The following MYBPC1 variants were observed in gnomAD, a reference collection of about 807,000 sequenced individuals.
The protein encoded by MYBPC1 is myosin binding protein C1.
A neutral mutation model predicts 147.1 loss-of-function variants in MYBPC1; 52 were observed. The observed-to-expected ratio is 0.35, with a 90% CI of 0.28 to 0.45. The LOEUF is 0.45. Ranked by LOEUF, MYBPC1 falls within the 20% of genes least tolerant of loss-of-function variation. The pLI, the probability that MYBPC1 is intolerant of heterozygous loss-of-function variation, is 1.00. For missense variants in MYBPC1, 1,228 were observed against 1,440.3 expected (o/e 0.85, Z 2.39); for synonymous variants, 477 against 475.9 (o/e 1.00, Z -0.03).
intron 22 of MYBPC1, 76 bp downstream of exon 22, chr12:101,663,636 CTT>C (rs1288686593): frequency 6.6e-7 from 1 of 1,509,876 alleles, no homozygotes; most frequent in African/African-American, 1.4e-5. Context: ...TTTTGTCTCT[CTT>C]TCTTGAGAAC....
At position 101,634,539 on chromosome 12, in the gene MYBPC1, T is replaced by C. The variant is rs1046652621; in HGVS notation, c.557-15T>C. On this transcript the variant is annotated splice_polypyrimidine_tract_variant and intron_variant, in intron 8 of 31. Transcript: ENST00000361466. ...TTAATGGGTATTTATGTTATTGTTT[T>C]CTTTCCTTTCAAAGAATCTACTGGG... 3.7e-6 allele frequency: 6 copies of C among 1,606,396 alleles called. No homozygotes were observed. Among genetic ancestry groups the C allele is most frequent in the Non-Finnish European group, 5.1e-6 (6 of 1,173,086 alleles).
rs758009052 is a variant in MYBPC1, at chr12:101,648,081, C to A, written c.1127C>A (p.Thr376Lys). The A allele has an allele frequency of 6.2e-7, 1 of 1,612,856 alleles. No individual in the cohort carries two copies. The highest frequency in any genetic ancestry group is 8.5e-7 in the Non-Finnish European group (1 of 1,179,158). The change falls in exon 14 of 32, where the codon ACA (threonine) becomes AAA (lysine). Residue 376 changes from threonine (T) to lysine (K), a missense_variant. By Grantham distance (78) the Thr-to-Lys change is moderately conservative (BLOSUM62 -1). Around this residue, in one of 2 missense-constraint regions of MYBPC1, gnomAD observed 1,077 missense variants for 1,314.2 expected, o/e 0.82. Transcript: ENST00000361466. ...PIMVTKQLED[T>K]TAYCGERVEL... ...ATGGTGACCAAACAGCTGGAAGATACAACTGCTTATTGTGGGGAGAGAGTG... is the reference window on the plus strand; with the variant it reads ...ATGGTGACCAAACAGCTGGAAGATAAAACTGCTTATTGTGGGGAGAGAGTG...
intron 1 of MYBPC1, among the ~76,000 whole-genome samples, chr12:101,597,088 T>TTACATTAGAAGAGTAAGGAGTACGGCA (rs1334483226): frequency 3.3e-5 from 5 of 152,250 alleles, no homozygotes; most frequent in Non-Finnish European, 7.3e-5. Flanking sequence ...TTAATATTGT[T>TTACATTAGAAGAGTAAGGAGTACGGCA]TACATTAGAA....
Position 101,673,414 on chromosome 12 carries a change from T to G in MYBPC1, c.2614-13T>G. 1 of 1,611,394 alleles carries G rather than the reference T, an allele frequency of 6.2e-7. No homozygotes were observed. The highest frequency in any genetic ancestry group is 8.5e-7 in the Non-Finnish European group (1 of 1,179,208). ...TGATTTACCCTCTCTACTTTTGCTGTCTTTCTTTTTAGGGAAAACCAAGAC... is the reference window on the plus strand; with the variant it reads ...TGATTTACCCTCTCTACTTTTGCTGGCTTTCTTTTTAGGGAAAACCAAGAC... On this transcript the variant is annotated splice_polypyrimidine_tract_variant and intron_variant, in intron 24 of 31. Transcript: ENST00000361466.
At chr12:101,613,433 G>T (rs771824479) in intron 1 of MYBPC1, among the ~76,000 whole-genome samples, 3 of 152,112 alleles carry the variant, frequency 2.0e-5, no homozygotes, top group Non-Finnish European at 4.4e-5. Flanking sequence ...CAAAAACTTT[G>T]TTATCTTTAT....
In MYBPC1 at chr12:101,667,960, C is replaced by A. The variant is rs1223640032; in HGVS notation, c.2524+61C>A. On this transcript the variant is annotated intron_variant, in intron 23 of 31. Transcript: ENST00000361466. ...TTACATGGTTCACTTTTTTTTTCTT[C>A]AAACTACTTTCTTTCTCAAAACCTC... is the stretch of plus-strand genomic sequence containing the variant. 8 of 1,555,174 alleles carry A rather than the reference C, an allele frequency of 5.1e-6. No individual in the cohort carries two copies. In the African/African-American group the frequency reaches 1.1e-4, roughly 21 times the overall value.
chr12:101,634,102 G>A (rs1890520417), intron 8 of MYBPC1, among the ~76,000 whole-genome samples: 1 of 151,980 alleles, frequency 6.6e-6, no homozygotes, highest in South Asian at 2.1e-4. Flanking sequence ...GGGTTTCACC[G>A]TGTTAGCCAG....
Position 101,684,396 on chromosome 12 carries a change from G to T in MYBPC1, c.3507G>T (p.Lys1169Asn). Residue 1169 changes from lysine (K) to asparagine (N), a missense_variant, in exon 31 of 32, where the codon AAG becomes AAT. Coordinates refer to ENST00000361466, the MANE Select transcript of MYBPC1 (RefSeq NM_002465.4). ...LEGQQQSLHN[K>N]DF Reference sequence around the variant, plus strand: ...CTTTTCCTTAGTCATTGCACAATAAGGATTTTTGAATGTATAATATCATCT... The same window carrying T: ...CTTTTCCTTAGTCATTGCACAATAATGATTTTTGAATGTATAATATCATCT... The T allele has an allele frequency of 1.3e-6, 2 of 1,588,416 alleles. No homozygotes were observed. The highest frequency in any genetic ancestry group is 2.2e-5 in the South Asian group (2 of 90,688).
chr12:101,658,401 A>G (rs79454888), intron 18 of MYBPC1, among the ~76,000 whole-genome samples: 1 of 136,688 alleles, frequency 7.3e-6, no homozygotes, highest in African/African-American at 2.6e-5. Flanking sequence ...AAAAAAAAAA[A>G]TCTACCGTAA....
At chr12:101,607,885 T>C (rs1211609931) in intron 1 of MYBPC1, among the ~76,000 whole-genome samples, 1 of 152,218 alleles carries the variant, frequency 6.6e-6, no homozygotes, top group East Asian at 1.9e-4. Context: ...CCCCTTTAAG[T>C]TACTGGCCAT....
chr12:101,661,377 T>G, intron 20 of MYBPC1, 115 bp downstream of exon 20: 1 of 701,490 alleles, frequency 1.4e-6, no homozygotes, highest in Admixed American at 2.1e-5. Context: ...TATTTTACTG[T>G]GACTTTATGC....
At position 101,684,413 on chromosome 12, in the gene MYBPC1, A is replaced by G; in HGVS notation, c.*8A>G. ...CACAATAAGGATTTTTGAATGTATA[A>G]TATCATCTAAGGTAAGCTTTCATAT... On this transcript the variant is annotated 3_prime_UTR_variant, in exon 31 of 32. Transcript: ENST00000361466. 1.3e-6 allele frequency: 2 copies of G among 1,586,114 alleles called. No individual in the cohort carries two copies. Among genetic ancestry groups the G allele is most frequent in the South Asian group, 1.1e-5 (1 of 90,672 alleles).
intron 2 of MYBPC1, among the ~76,000 whole-genome samples, chr12:101,615,778 C>G (rs1885848049): frequency 1.3e-5 from 2 of 149,546 alleles, no homozygotes; most frequent in Non-Finnish European, 3.0e-5. Flanking sequence ...TAGGTGAAAG[C>G]AGGAGTTTGG....
At chr12:101,617,079 A>G in intron 2 of MYBPC1, 123 bp from the exon 3 acceptor site, 1 of 803,772 alleles carries the variant, frequency 1.2e-6, no homozygotes, top group Non-Finnish European at 2.1e-6. Context: ...ACGAGTATTC[A>G]GTATCATTTA....
chr12:101,645,774 T>C (rs1892971848), intron 12 of MYBPC1, among the ~76,000 whole-genome samples: 1 of 152,214 alleles, frequency 6.6e-6, no homozygotes, highest in Non-Finnish European at 1.5e-5. Flanking sequence ...CATGTGCTCC[T>C]CCATAATACA....
At chr12:101,637,760 G>C (rs1727090) in intron 10 of MYBPC1, among the ~76,000 whole-genome samples, 30,256 of 152,076 alleles carry the variant, frequency 0.2, 3,105 homozygotes, top group Middle Eastern at 0.27. Flanking sequence ...TGTTTAGTTA[G>C]ATAGCTGTAT....
chr12:101,667,723 G>A lies in MYBPC1; in HGVS notation c.2357-9G>A. The A allele has an allele frequency of 1.9e-6, 3 of 1,613,728 alleles. No homozygotes were observed. The highest frequency in any genetic ancestry group is 2.5e-6 in the Non-Finnish European group (3 of 1,179,940). ...CCTCCTTCTTTTCCTTTTCTTTTAC[G>A]GACTTCAGCTGAGGACTGGATAGTT... On this transcript the variant is annotated splice_polypyrimidine_tract_variant and intron_variant, in intron 22 of 31. Coordinates refer to ENST00000361466, the MANE Select transcript of MYBPC1 (RefSeq NM_002465.4).
intron 4 of MYBPC1, among the ~76,000 whole-genome samples, 190 bp from the exon 5 acceptor site, chr12:101,627,577 GAC>G (rs1888901733): frequency 6.6e-6 from 1 of 152,084 alleles, no homozygotes; most frequent in South Asian, 2.1e-4. Flanking sequence ...TTTAAAATAA[GAC>G]ACACACTTTT....
At chr12:101,629,976 A>C (rs377650211) in intron 6 of MYBPC1, among the ~76,000 whole-genome samples, 29 of 152,282 alleles carry the variant, frequency 1.9e-4, no homozygotes, top group Middle Eastern at 3.4e-3. Flanking sequence ...TACAGCCACT[A>C]CTTCTATCTA....
Sources: allele counts gnomAD v4.1 joint callset (sites outside exome capture counted in the v4.1 genomes callset), GRCh38; gene constraint gnomAD v4.1.1; regional missense constraint gnomAD v4.1.1; transcripts MANE v1.5; gene names NCBI Gene and HGNC (gene_info 2026-07-23, HGNC 2026-07-21).